Variants in PYM1 observed in about 807,000 individuals in gnomAD.
PYM1 encodes PYM1 exon junction complex associated factor.
Under a neutral mutation model 20.7 loss-of-function variants are expected in PYM1, and 7 were observed. The ratio of observed to expected loss-of-function variants is 0.34; its 90% CI spans 0.19 to 0.64. The LOEUF (loss-of-function observed/expected upper bound fraction) is 0.64. Ranked by LOEUF, PYM1 falls within the 30% of genes least tolerant of loss-of-function variation. The probability of loss-of-function intolerance (pLI) is 0.74; values close to 1 mark genes in which losing one functional copy is unlikely to be tolerated. For missense variants in PYM1, 194 were observed against 250.0 expected (o/e 0.78, Z 1.51); for synonymous variants, 100 against 99.2 (o/e 1.01, Z -0.05).
chr12:55,910,275 AT>A (rs1882898250), intron 1 of PYM1, among the ~76,000 whole-genome samples: 1 of 139,008 alleles, frequency 7.2e-6, no homozygotes, highest in African/African-American at 3.0e-5. Flanking sequence ...ATATATATAT[AT>A]ATATATATAT....
intron 1 of PYM1, among the ~76,000 whole-genome samples, chr12:55,907,933 G>T (rs141243923): frequency 2.6e-4 from 38 of 148,664 alleles, no homozygotes; most frequent in African/African-American, 9.2e-4. Context: ...GCGAGACTCC[G>T]TCTCAAAAAA....
intron 1 of PYM1, among the ~76,000 whole-genome samples, chr12:55,910,349 C>T (rs1011963777): frequency 2.0e-5 from 3 of 151,636 alleles, no homozygotes; most frequent in Non-Finnish European, 2.9e-5. Flanking sequence ...AGCCCGATCC[C>T]GGCTCACTGC....
chr12:55,908,295 G>A (rs868032932), intron 1 of PYM1, among the ~76,000 whole-genome samples: 2 of 151,812 alleles, frequency 1.3e-5, no homozygotes, highest in East Asian at 1.9e-4. Context: ...GCTGGGCATG[G>A]TGGCACGTTT....
Position 55,927,788 on chromosome 12 carries a change from G to A in PYM1, c.-27C>T, listed in dbSNP as rs1883223668. On this transcript the variant is annotated 5_prime_UTR_variant, in exon 1 of 3. Coordinates refer to ENST00000408946, the MANE Select transcript of PYM1 (RefSeq NM_032345.3). ...GCCGAAGAGGCAGCGGACCAGGTTG[G>A]GCGGGCGGCCCTGGCCTGGCTCTGC... The A allele has an allele frequency of 6.5e-7, 1 of 1,537,000 alleles. No individual in the cohort carries two copies. The highest frequency in any genetic ancestry group is 2.4e-5 in the East Asian group (1 of 40,860).
chr12:55,907,463 CAAAAAAA>C (rs770960966), intron 1 of PYM1, among the ~76,000 whole-genome samples: 3,771 of 51,974 alleles, frequency 0.073, 67 homozygotes, highest in Middle Eastern at 0.18. Flanking sequence ...TACATAAATA[CAAAAAAA>C]AAAAAAAAAA....
At chr12:55,905,947 T>TTATTATATATAATATAAAA (rs1882805202) in intron 1 of PYM1, among the ~76,000 whole-genome samples, 2 of 126,166 alleles carry the variant, frequency 1.6e-5, no homozygotes, top group Non-Finnish European at 3.1e-5. Context: ...GATATATATA[T>TTATTATATATAATATAAAA]TATTATATAT....
chr12:55,905,570 C>T (rs1236288962), intron 1 of PYM1, among the ~76,000 whole-genome samples: 2 of 149,744 alleles, frequency 1.3e-5, no homozygotes, highest in Non-Finnish European at 3.0e-5. Context: ...GGCGTGGTGG[C>T]AGGCGCCTGT....
intron 1 of PYM1, among the ~76,000 whole-genome samples, chr12:55,905,103 G>A (rs1001396331): frequency 3.6e-4 from 54 of 151,304 alleles, no homozygotes; most frequent in African/African-American, 1.1e-3. Flanking sequence ...CCGGGTTCAC[G>A]CCATTCTCCT....
intron 1 of PYM1, among the ~76,000 whole-genome samples, chr12:55,918,986 A>G (rs1428907699): frequency 6.6e-6 from 1 of 152,240 alleles, no homozygotes; most frequent in Non-Finnish European, 1.5e-5. Context: ...AAATTGTTAA[A>G]TAAGTTTGGG....
At chr12:55,909,036 T>G (rs1207212549) in intron 1 of PYM1, among the ~76,000 whole-genome samples, 1 of 151,924 alleles carries the variant, frequency 6.6e-6, no homozygotes, top group Non-Finnish European at 1.5e-5. Flanking sequence ...AATGAGACAG[T>G]TCATGTTAGG....
chr12:55,913,999 A>G, intron 1 of PYM1: 1 of 286,682 alleles, frequency 3.5e-6, no homozygotes, highest in Non-Finnish European at 6.4e-6. Flanking sequence ...TTGAATTTGG[A>G]AAATTGGGAA....
intron 1 of PYM1, among the ~76,000 whole-genome samples, chr12:55,911,480 T>C (rs1436404957): frequency 6.6e-6 from 1 of 152,152 alleles, no homozygotes; most frequent in Non-Finnish European, 1.5e-5. Context: ...CATTTTAAGA[T>C]ACGGCAAGAA....
chr12:55,927,097 A>G, intron 1 of PYM1: 1 of 1,546,446 alleles, frequency 6.5e-7, no homozygotes, highest in Non-Finnish European at 8.7e-7. Context: ...TCAGTAACAT[A>G]GGGAGTCGCC....
At chr12:55,919,069 T>C (rs760953561) in intron 1 of PYM1, among the ~76,000 whole-genome samples, 1 of 152,230 alleles carries the variant, frequency 6.6e-6, no homozygotes, top group Admixed American at 6.5e-5. Context: ...TGAGTTACTA[T>C]GTTCTTATTC....
At chr12:55,917,153 A>T (rs1883021876) in intron 1 of PYM1, among the ~76,000 whole-genome samples, 1 of 151,388 alleles carries the variant, frequency 6.6e-6, no homozygotes, top group Non-Finnish European at 1.5e-5. Context: ...GCAGTGGCTC[A>T]CCATGCCTGC....
intron 1 of PYM1, among the ~76,000 whole-genome samples, chr12:55,919,463 G>C (rs539412871): frequency 5.3e-5 from 8 of 152,162 alleles, no homozygotes; most frequent in Admixed American, 3.3e-4. Flanking sequence ...CTCTATTTTA[G>C]TTATTTATTT....
intron 1 of PYM1, among the ~76,000 whole-genome samples, chr12:55,907,631 T>G (rs1201724577): frequency 5.2e-5 from 3 of 57,484 alleles, no homozygotes; most frequent in African/African-American, 2.8e-4. Context: ...AGACTTCGTC[T>G]GGGAAAAAAA....
intron 1 of PYM1, chr12:55,927,034 C>G (rs1479389136): frequency 2.7e-6 from 4 of 1,490,964 alleles, no homozygotes; most frequent in Non-Finnish European, 3.6e-6. Flanking sequence ...ACCCCTGCCC[C>G]GAGAGCCCGG....
In PYM1 at chr12:55,902,325, C is replaced by T. The variant is rs764710743; in HGVS notation, c.162G>A (p.Lys54=). The change falls in exon 3 of 3, where the codon AAG becomes AAA. Residue 54 remains lysine (K), a synonymous_variant. Transcript: ENST00000408946. ...GCCCTGGGGGCAACTCTGGTTTACT[C>T]TTGAAAAACTTCACATACTTGTTTT... is the stretch of plus-strand genomic sequence containing the variant. The part of the protein sequence containing the change: ...VYENKYVKFF[K]SKPELPPGLS... 3.7e-6 allele frequency: 6 copies of T among 1,611,732 alleles called. No individual in the cohort carries two copies. In the South Asian group the frequency reaches 4.4e-5, roughly 12 times the overall value.
Sources: gnomAD v4.1 joint callset for allele counts (sites outside exome capture counted in the v4.1 genomes callset) on GRCh38, gnomAD v4.1.1 for gene constraint, MANE v1.5 for transcripts, NCBI Gene and HGNC (gene_info 2026-07-23, HGNC 2026-07-21) for gene names.